The following MFSD2A variants were observed in gnomAD, a reference collection of about 807,000 sequenced individuals.
MFSD2A encodes MFSD2 lysolipid transporter A, lysophospholipid, also known as sodium-dependent lysophosphatidylcholine symporter 1.
Under a neutral mutation model 64.7 loss-of-function variants are expected in MFSD2A, and 27 were observed. The observed-to-expected ratio is 0.42, with a 90% CI of 0.31 to 0.58. The LOEUF is 0.58. Among genes scored for constraint, MFSD2A ranks in the 20% least tolerant of loss-of-function variants. The pLI, the probability that MFSD2A is intolerant of heterozygous loss-of-function variation, is 0.18. For missense variants in MFSD2A, 474 were observed against 679.5 expected (o/e 0.70, Z 3.36); for synonymous variants, 258 against 273.4 (o/e 0.94, Z 0.55).
rs770765394 is a variant in MFSD2A at position 39,960,462 on chromosome 1, C to T, written c.353+1637C>T. ...GTCTTCAGGGCCGGGGGCAGGACAGCCTGCCTTACCTGTGCAGGCTGCTCA... is the reference window on the plus strand; with the variant it reads ...GTCTTCAGGGCCGGGGGCAGGACAGTCTGCCTTACCTGTGCAGGCTGCTCA... On this transcript the variant is annotated intron_variant, in intron 3 of 13. Transcript: ENST00000372811. This position sits in a 1 kb window ranked among gnomAD's most constrained non-coding sequence, Gnocchi z 4.8. Among the ~76,000 whole-genome samples, 15 of 152,202 alleles carry T rather than the reference C, an allele frequency of 9.9e-5. No individual in the cohort carries two copies. Among genetic ancestry groups the T allele is most frequent in the Non-Finnish European group, 2.2e-4 (15 of 68,026 alleles).
In MFSD2A at chr1:39,968,230, C is replaced by A; in HGVS notation, c.1209-104C>A. The A allele has an allele frequency of 7.3e-7, 1 of 1,371,472 alleles. No homozygotes were observed. The allele number at this position is 1,371,472 out of a possible 1,614,324, so 85.0% of individuals were successfully genotyped here. On this transcript the variant is annotated intron_variant, in intron 11 of 13. Coordinates refer to ENST00000372811, the MANE Select transcript of MFSD2A (RefSeq NM_032793.5). The surrounding 1 kb of genome is among the most constrained non-coding windows in gnomAD (Gnocchi z 4.4). ...GTGAAGGTCCCATATCCTCACTGAGCTGTGTACCCATGGTACTGCAAGCTT... is the reference window on the plus strand; with the variant it reads ...GTGAAGGTCCCATATCCTCACTGAGATGTGTACCCATGGTACTGCAAGCTT...
rs1287734096 is a variant in MFSD2A, at chr1:39,967,795, C to A, written c.1096-9C>A. 1.9e-6 allele frequency: 3 copies of A among 1,611,476 alleles called. No homozygotes were observed. The highest frequency in any genetic ancestry group is 2.5e-6 in the Non-Finnish European group (3 of 1,177,654). The stretch of plus-strand genomic sequence containing the variant: ...CAGCTGATTCATCTTCCTGCACCCC[C>A]TTCCCTAGTCAGCAGTGCCATTTCT... On this transcript the variant is annotated splice_polypyrimidine_tract_variant and intron_variant, in intron 10 of 13. Transcript: ENST00000372811.
At chr1:39,967,986 G>A (rs1645200839) in intron 11 of MFSD2A, 70 bp downstream of exon 11, 3 of 987,576 alleles carry the variant, frequency 3.0e-6, no homozygotes, top group Non-Finnish European at 1.5e-6. Flanking sequence ...GCTCCTTAGG[G>A]AGAGTTCTAT....
At position 39,964,878 on chromosome 1, in the gene MFSD2A, C is replaced by T. The variant is rs1443900318; in HGVS notation, c.354-333C>T. 2 of 347,934 alleles carry T rather than the reference C, an allele frequency of 5.7e-6. No individual in the cohort carries two copies. The highest frequency in any genetic ancestry group is 5.4e-6 in the Non-Finnish European group (1 of 185,646). The allele number at this position is 347,934 out of a possible 1,614,324, so 21.6% of individuals were successfully genotyped here. On this transcript the variant is annotated intron_variant, in intron 3 of 13. Transcript: ENST00000372811. This position sits in a 1 kb window ranked among gnomAD's most constrained non-coding sequence, Gnocchi z 4.1. ...CACGGGAGTTGGGGCTGCTCCTTCTCTTTGCCTCCTTGCCCAGGCACCTGA... is the reference window on the plus strand; with the variant it reads ...CACGGGAGTTGGGGCTGCTCCTTCTTTTTGCCTCCTTGCCCAGGCACCTGA...
Position 39,957,122 on chromosome 1 carries a change from T to C in MFSD2A, c.129T>C (p.Val43=), listed in dbSNP as rs199650634. 116 of 1,614,020 alleles carry C rather than the reference T, an allele frequency of 7.2e-5. No homozygotes were observed. Among genetic ancestry groups the C allele is most frequent in the Non-Finnish European group, 8.4e-5 (99 of 1,180,026 alleles). Reference sequence around the variant, plus strand: ...AAAAGAAGAAACAACAGTTGTCTGTTTGCAACAAGCTTTGCTATGCACTTG... The same window carrying C: ...AAAAGAAGAAACAACAGTTGTCTGTCTGCAACAAGCTTTGCTATGCACTTG... ...EPKKKKQQLS[V]CNKLCYALGG... Residue 43 remains valine (V), a synonymous_variant, in exon 2 of 14, where the codon GTT becomes GTC. Transcript: ENST00000372811.
rs994703615 is a variant in MFSD2A, at chr1:39,964,246, G to C, written c.354-965G>C. On this transcript the variant is annotated intron_variant, in intron 3 of 13. Transcript: ENST00000372811. The surrounding 1 kb of genome is among the most constrained non-coding windows in gnomAD (Gnocchi z 4.1). The stretch of plus-strand genomic sequence containing the variant: ...ACTTTTAAATTATGTCAACTTTTCT[G>C]TTTGCCAACTAGTATGTAAGTTCCA... The C allele has an allele frequency of 6.6e-6, 1 of 152,108 alleles. No homozygotes were observed. The highest frequency in any genetic ancestry group is 1.5e-5 in the Non-Finnish European group (1 of 68,036). The allele number at this position is 152,108 out of a possible 1,614,324, so 9.4% of individuals were successfully genotyped here. A position where few individuals can be genotyped will look rare whatever the true frequency, so the allele number is the denominator to read the frequency against.
Position 39,965,157 on chromosome 1 carries a change from G to T in MFSD2A, c.354-54G>T. ...TGTGAGGCACAGCAGACTGGGCTGG[G>T]CCTGGTCCTGGGCTCCAGCCTCCAG... On this transcript the variant is annotated intron_variant, in intron 3 of 13. Coordinates refer to ENST00000372811, the MANE Select transcript of MFSD2A (RefSeq NM_032793.5). The surrounding 1 kb of genome is among the most constrained non-coding windows in gnomAD (Gnocchi z 5.5). The T allele has an allele frequency of 3.1e-6, 5 of 1,607,288 alleles. No individual in the cohort carries two copies. Among genetic ancestry groups the T allele is most frequent in the Non-Finnish European group, 4.2e-6 (5 of 1,177,934 alleles).
chr1:39,960,299 C>T lies in MFSD2A; in HGVS notation c.353+1474C>T, dbSNP rs561357728. 1.3e-4 allele frequency among the ~76,000 whole-genome samples: 20 copies of T among 152,338 alleles called. No individual in the cohort carries two copies. The highest frequency in any genetic ancestry group is 4.1e-4 in the South Asian group (2 of 4,834). On this transcript the variant is annotated intron_variant, in intron 3 of 13. Transcript: ENST00000372811. This position sits in a 1 kb window ranked among gnomAD's most constrained non-coding sequence, Gnocchi z 4.8. ...AGTGGGCGCCTTCCTGCCCCAGGGG[C>T]GCCCATACCTGGCCTCCGGCCTTCA...
At position 39,955,257 on chromosome 1, in the gene MFSD2A, C is replaced by A; in HGVS notation, c.-36C>A. On this transcript the variant is annotated 5_prime_UTR_variant, in exon 1 of 14. Transcript: ENST00000372811. This position sits in a 1 kb window ranked among gnomAD's most constrained non-coding sequence, Gnocchi z 5.9. ...CGGCCTGCGGGGCAGAGGAGCATCC[C>A]GTCTACCAGGTCCCAAGCGGCGTGG... 2 of 1,379,070 alleles carry A rather than the reference C, an allele frequency of 1.5e-6. No homozygotes were observed. The highest frequency in any genetic ancestry group is 9.4e-7 in the Non-Finnish European group (1 of 1,063,366). 85.4% of individuals were successfully genotyped at this position (1,379,070 alleles called of 1,614,324 possible).
chr1:39,959,774 T>G (rs996128355), intron 3 of MFSD2A, among the ~76,000 whole-genome samples: 18 of 152,318 alleles, frequency 1.2e-4, no homozygotes, highest in South Asian at 8.3e-4. Flanking sequence ...AAGTTGATAC[T>G]AAAATACCAA....
In MFSD2A at chr1:39,958,704, G is replaced by T; in HGVS notation, c.232G>T (p.Gly78Cys). 6.2e-7 allele frequency: 1 copy of T among 1,614,102 alleles called. No individual in the cohort carries two copies. Among genetic ancestry groups the T allele is most frequent in the Non-Finnish European group, 8.5e-7 (1 of 1,180,014 alleles). The change falls in exon 3 of 14, where the codon GGC (glycine) becomes TGC (cysteine). Residue 78 changes from glycine to cysteine, a missense_variant. Coordinates refer to ENST00000372811, the MANE Select transcript of MFSD2A (RefSeq NM_032793.5). This position sits in a 1 kb window ranked among gnomAD's most constrained non-coding sequence, Gnocchi z 4.7. ...CTTTTGCTTCTCCTCATTCCAGGTG[G>T]GCCCTTTCTCTGCCTCCATCATCCT... The part of the protein sequence containing the change: ...QIYLLDVAQV[G>C]PFSASIILFV...
rs775463792 is a variant in MFSD2A, at chr1:39,969,525, G to C, written c.1550G>C (p.Gly517Ala). ...QALRDEASSS[G>A]CSETDSTELA... ...TGCAGGGACGAGGCCAGCAGCTCTG[G>C]CTGCTCAGAAACAGACTCCACAGAG... Residue 517 changes from glycine (G) to alanine (A), a missense_variant, in exon 14 of 14, where the codon GGC becomes GCC. By Grantham distance (60) the Gly-to-Ala change is moderately conservative. Coordinates refer to ENST00000372811, the MANE Select transcript of MFSD2A (RefSeq NM_032793.5). 23 of 1,597,656 alleles carry C rather than the reference G, an allele frequency of 1.4e-5. No individual in the cohort carries two copies. The highest frequency in any genetic ancestry group is 2.0e-5 in the Non-Finnish European group (23 of 1,174,100).
rs763779585 is a variant in MFSD2A at position 39,968,330 on chromosome 1, G to T, written c.1209-4G>T. ...GTCCTCATGGCTGTCACTACTCTGC[G>T]CAGGTCCATGCTGCCTGATGTCATT... On this transcript the variant is annotated splice_region_variant and splice_polypyrimidine_tract_variant and intron_variant, in intron 11 of 13. Coordinates refer to ENST00000372811, the MANE Select transcript of MFSD2A (RefSeq NM_032793.5). The surrounding 1 kb of genome is among the most constrained non-coding windows in gnomAD (Gnocchi z 4.4). 44 of 1,613,972 alleles carry T rather than the reference G, an allele frequency of 2.7e-5. No homozygotes were observed. The highest frequency in any genetic ancestry group is 6.6e-5 in the South Asian group (6 of 91,088).
chr1:39,965,539 C>T lies in MFSD2A; in HGVS notation c.546C>T (p.Ala182=), dbSNP rs1645140779. Residue 182 remains alanine (A), a synonymous_variant, in exon 5 of 14, where the codon GCC becomes GCT. Coordinates refer to ENST00000372811, the MANE Select transcript of MFSD2A (RefSeq NM_032793.5). This position sits in a 1 kb window ranked among gnomAD's most constrained non-coding sequence, Gnocchi z 5.5. ...CCGAGCAGACTGAGCGGGATTCTGCCACCGCCTATCGTGAGTCTCCCCAGC... is the reference window on the plus strand; with the variant it reads ...CCGAGCAGACTGAGCGGGATTCTGCTACCGCCTATCGTGAGTCTCCCCAGC... ...ISTEQTERDS[A]TAYRMTVEVL... is the part of the protein sequence containing the mutation. 2 of 1,613,974 alleles carry T rather than the reference C, an allele frequency of 1.2e-6. No homozygotes were observed. The highest frequency in any genetic ancestry group is 1.7e-5 in the Admixed American group (1 of 59,994).
chr1:39,965,455 C>T lies in MFSD2A; in HGVS notation c.478-16C>T, dbSNP rs1645137907. 1 of 1,613,908 alleles carries T rather than the reference C, an allele frequency of 6.2e-7. No individual in the cohort carries two copies. Among genetic ancestry groups the T allele is most frequent in the South Asian group, 1.1e-5 (1 of 91,084 alleles). On this transcript the variant is annotated splice_polypyrimidine_tract_variant and intron_variant, in intron 4 of 13. Coordinates refer to ENST00000372811, the MANE Select transcript of MFSD2A (RefSeq NM_032793.5). The surrounding 1 kb of genome is among the most constrained non-coding windows in gnomAD (Gnocchi z 5.5). Reference sequence around the variant, plus strand: ...TCCACCCGCCTGACCAGCCAATGACCTGTCTTCTATGCCAGTGTTTCCATG... The same window carrying T: ...TCCACCCGCCTGACCAGCCAATGACTTGTCTTCTATGCCAGTGTTTCCATG...
In MFSD2A at chr1:39,964,306, T is replaced by C. The variant is rs779842796; in HGVS notation, c.354-905T>C. 3.3e-5 allele frequency: 5 copies of C among 152,256 alleles called. No homozygotes were observed. The highest frequency in any genetic ancestry group is 5.9e-5 in the Non-Finnish European group (4 of 68,052). The allele number at this position is 152,256 out of a possible 1,614,324, so 9.4% of individuals were successfully genotyped here. ...TGATTTTTTATCTGTTCTCTAGTTA[T>C]CCTAAGTAATTAGAATAGCGCCCAG... On this transcript the variant is annotated intron_variant, in intron 3 of 13. Coordinates refer to ENST00000372811, the MANE Select transcript of MFSD2A (RefSeq NM_032793.5). The surrounding 1 kb of genome is among the most constrained non-coding windows in gnomAD (Gnocchi z 4.1).
rs1360173522 is a variant in MFSD2A, at chr1:39,963,666, T to C, written c.354-1545T>C. Among the ~76,000 whole-genome samples the C allele has an allele frequency of 6.6e-6, 1 of 152,216 alleles. No homozygotes were observed. Among genetic ancestry groups the C allele is most frequent in the Non-Finnish European group, 1.5e-5 (1 of 68,038 alleles). Reference sequence around the variant, plus strand: ...TTGGTACAGTAGGGATACAAACCTGTCGGTTCTCTAATATTTCTTTTTTGG... The same window carrying C: ...TTGGTACAGTAGGGATACAAACCTGCCGGTTCTCTAATATTTCTTTTTTGG... On this transcript the variant is annotated intron_variant, in intron 3 of 13. Coordinates refer to ENST00000372811, the MANE Select transcript of MFSD2A (RefSeq NM_032793.5). The surrounding 1 kb of genome is among the most constrained non-coding windows in gnomAD (Gnocchi z 4.2).
Position 39,955,276 on chromosome 1 carries a change from G to T in MFSD2A, c.-17G>T. On this transcript the variant is annotated 5_prime_UTR_variant, in exon 1 of 14. Coordinates refer to ENST00000372811, the MANE Select transcript of MFSD2A (RefSeq NM_032793.5). The surrounding 1 kb of genome is among the most constrained non-coding windows in gnomAD (Gnocchi z 5.9). The stretch of plus-strand genomic sequence containing the variant: ...GCATCCCGTCTACCAGGTCCCAAGC[G>T]GCGTGGCCCGCGGGTCATGGCCAAA... 7.1e-7 allele frequency: 1 copy of T among 1,408,158 alleles called. No individual in the cohort carries two copies. Among genetic ancestry groups the T allele is most frequent in the Non-Finnish European group, 9.3e-7 (1 of 1,079,378 alleles). The allele number at this position is 1,408,158 out of a possible 1,614,324, so 87.2% of individuals were successfully genotyped here. A position where few individuals can be genotyped will look rare whatever the true frequency, so the allele number is the denominator to read the frequency against.
chr1:39,959,554 C>G (rs1644992178), intron 3 of MFSD2A, among the ~76,000 whole-genome samples: 2 of 152,156 alleles, frequency 1.3e-5, no homozygotes, highest in African/African-American at 4.8e-5. Flanking sequence ...TGCCCGGCCC[C>G]TGTCTGGGTT....
Sources: gnomAD v4.1 joint callset for allele counts (sites outside exome capture counted in the v4.1 genomes callset) on GRCh38, gnomAD v4.1.1 for gene constraint, Gnocchi (gnomAD v3.1) non-coding constraint, MANE v1.5 for transcripts, NCBI Gene and HGNC (gene_info 2026-07-23, HGNC 2026-07-21) for gene names.